DTNA: variants seen among roughly 807,000 people sequenced by gnomAD.
The protein encoded by DTNA is dystrobrevin alpha.
In DTNA, 43 loss-of-function variants were observed where a neutral mutation model predicts 100.7. The observed-to-expected ratio is 0.43, with a 90% CI of 0.33 to 0.55. The LOEUF (loss-of-function observed/expected upper bound fraction) is 0.55. DTNA is among the 20% of genes least tolerant of loss of function. The pLI is 0.04. For synonymous variants in DTNA, 349 were observed against 347.9 expected, an observed-to-expected ratio of 1.00 and a Z score of -0.04; for missense variants, 798 against 953.9, an observed-to-expected ratio of 0.84 and a Z score of 2.15.
intron 1 of DTNA, among the ~76,000 whole-genome samples, chr18:34,681,720 A>ACACACACACACCC (rs1422463372): frequency 6.6e-6 from 1 of 150,996 alleles, no homozygotes; most frequent in Non-Finnish European, 1.5e-5. Context: ...ACACACACAC[A>ACACACACACACCC]CACACACACA....
chr18:34,827,504 C>G (rs1350699817), intron 9 of DTNA, 89 bp from the exon 10 acceptor site: 1 of 1,193,916 alleles, frequency 8.4e-7, no homozygotes, highest in Non-Finnish European at 1.3e-6. Context: ...CAGATCTTCC[C>G]ATCCCGTTTC....
intron 1 of DTNA, among the ~76,000 whole-genome samples, chr18:34,703,954 T>C (rs986337878): frequency 3.9e-5 from 6 of 152,234 alleles, no homozygotes; most frequent in Non-Finnish European, 8.8e-5. Flanking sequence ...TATGCTTCTC[T>C]TTTTCTTTCC....
intron 1 of DTNA, among the ~76,000 whole-genome samples, chr18:34,538,779 A>C (rs2043967041): frequency 6.6e-6 from 1 of 152,014 alleles, no homozygotes; most frequent in African/African-American, 2.4e-5. Flanking sequence ...AAAGACCTAA[A>C]CATAAATCAA....
chr18:34,796,415 C>T (rs1461727977), intron 4 of DTNA, among the ~76,000 whole-genome samples: 2 of 152,198 alleles, frequency 1.3e-5, no homozygotes, highest in Admixed American at 6.5e-5. Flanking sequence ...TGAGACCCAG[C>T]GTGGAAATCT....
intron 3 of DTNA, among the ~76,000 whole-genome samples, chr18:34,787,747 C>G (rs2094558339): frequency 6.6e-6 from 1 of 152,206 alleles, no homozygotes; most frequent in African/African-American, 2.4e-5. Context: ...TGCAACTCTC[C>G]CCCCAACACC....
chr18:34,856,613 G>A (rs879082644), intron 15 of DTNA, among the ~76,000 whole-genome samples: 1 of 152,184 alleles, frequency 6.6e-6, no homozygotes, highest in Non-Finnish European at 1.5e-5. Flanking sequence ...AGCCAGCCTG[G>A]ATTCACATCA....
At chr18:34,790,567 AT>A (rs1212453384) in intron 3 of DTNA, among the ~76,000 whole-genome samples, 632 of 39,656 alleles carry the variant, frequency 0.016, 3 homozygotes, top group African/African-American at 0.042. Context: ...ATATATATAT[AT>A]TTTTTTTTTT....
chr18:34,556,834 T>C (rs1408358017), intron 1 of DTNA, among the ~76,000 whole-genome samples: 1 of 151,362 alleles, frequency 6.6e-6, no homozygotes, highest in Non-Finnish European at 1.5e-5. Flanking sequence ...TTGGTGAATC[T>C]GACAATTATG....
intron 1 of DTNA, among the ~76,000 whole-genome samples, chr18:34,533,591 G>A (rs1324331729): frequency 6.6e-6 from 1 of 152,018 alleles, no homozygotes; most frequent in African/African-American, 2.4e-5. Flanking sequence ...TTGAGTTGAA[G>A]TGTTGTAATT....
At chr18:34,661,070 ATCTT>A (rs1260020429) in intron 1 of DTNA, among the ~76,000 whole-genome samples, 10 of 152,144 alleles carry the variant, frequency 6.6e-5, no homozygotes, top group Non-Finnish European at 1.2e-4. Context: ...TCTATTTTTT[ATCTT>A]TCTCAGTATC....
At chr18:34,849,577 AC>A (rs997885908) in intron 14 of DTNA, among the ~76,000 whole-genome samples, 43 of 152,334 alleles carry the variant, frequency 2.8e-4, no homozygotes, top group African/African-American at 1.0e-3. Flanking sequence ...GTGTGAAAGT[AC>A]TGCATAAACC....
At chr18:34,667,343 T>G (rs531134050) in intron 1 of DTNA, among the ~76,000 whole-genome samples, 17 of 152,376 alleles carry the variant, frequency 1.1e-4, no homozygotes, top group African/African-American at 3.8e-4. Context: ...TGGGGTTTTC[T>G]AGATATACAA....
chr18:34,614,512 A>G (rs1599070392), intron 1 of DTNA, among the ~76,000 whole-genome samples: 1 of 152,200 alleles, frequency 6.6e-6, no homozygotes, highest in Admixed American at 6.5e-5. Context: ...GCTATTAAGG[A>G]TATTTGTGGT....
intron 1 of DTNA, among the ~76,000 whole-genome samples, chr18:34,686,867 C>G (rs2078979182): frequency 6.6e-6 from 1 of 151,964 alleles, no homozygotes; most frequent in African/African-American, 2.4e-5. Flanking sequence ...TTGGTTTAGT[C>G]TCGGGAGGGT....
intron 16 of DTNA, among the ~76,000 whole-genome samples, chr18:34,861,282 G>A (rs888647174): frequency 1.3e-5 from 2 of 151,746 alleles, no homozygotes; most frequent in Admixed American, 6.6e-5. Flanking sequence ...TCAGGAGATC[G>A]AGACCATCCT....
intron 1 of DTNA, among the ~76,000 whole-genome samples, chr18:34,698,385 A>G (rs2080894771): frequency 6.6e-6 from 1 of 152,206 alleles, no homozygotes. Context: ...TCTGCGGAAG[A>G]ATCCCCCCTT....
chr18:34,741,524 C>A (rs1007707085), intron 1 of DTNA, among the ~76,000 whole-genome samples: 1 of 152,094 alleles, frequency 6.6e-6, no homozygotes, highest in Non-Finnish European at 1.5e-5. Flanking sequence ...TCAGGAAACT[C>A]GAGATTCAAA....
chr18:34,495,463 C>T (rs1238946562), intron 1 of DTNA, among the ~76,000 whole-genome samples: 1 of 152,140 alleles, frequency 6.6e-6, no homozygotes, highest in African/African-American at 2.4e-5. Context: ...TTTGTTTGCA[C>T]TTAATTTTAA....
intron 5 of DTNA, among the ~76,000 whole-genome samples, chr18:34,808,688 G>A (rs1396853190): frequency 6.6e-6 from 1 of 152,140 alleles, no homozygotes; most frequent in African/African-American, 2.4e-5. Flanking sequence ...GGGCCCAGGA[G>A]TTCAAAGGAA....
Sources: gnomAD v4.1 joint callset for allele counts (sites outside exome capture counted in the v4.1 genomes callset) on GRCh38, gnomAD v4.1.1 for gene constraint, MANE v1.5 for transcripts, NCBI Gene and HGNC (gene_info 2026-07-23, HGNC 2026-07-21) for gene names.